The following MEGF6 variants were observed in gnomAD, a reference collection of about 807,000 sequenced individuals.
MEGF6 encodes multiple epidermal growth factor-like domains protein 6.
MEGF6 carries 184 observed loss-of-function variants against 207.1 expected under a neutral mutation model. The ratio of observed to expected loss-of-function variants is 0.89; its 90% confidence interval spans 0.79 to 1.00. MEGF6 has a LOEUF of 1.00. Among genes scored for constraint, MEGF6 ranks in the 50% least tolerant of loss-of-function variants. The pLI is 0.00. For synonymous variants in MEGF6, 1,038 were observed against 910.0 expected, an observed-to-expected ratio of 1.14 and a Z score of -2.53; for missense variants, 2,282 against 2,202.9, an observed-to-expected ratio of 1.04 and a Z score of -0.72.
chr1:3,498,636 C>CT, intron 25 of MEGF6, 62 bp downstream of exon 25: 1 of 1,503,652 alleles, frequency 6.7e-7, no homozygotes, highest in Admixed American at 2.0e-5. Context: ...CCTCCTAGGC[C>CT]TGCAGGCGGG....
intron 3 of MEGF6, among the ~76,000 whole-genome samples, chr1:3,587,863 GGGACAGGAGT>G (rs1643913246): frequency 1.5e-5 from 2 of 136,960 alleles, no homozygotes; most frequent in African/African-American, 2.8e-5. Flanking sequence ...GGGCCAGGAG[GGGACAGGAGT>G]GGCCAGGAGT....
At chr1:3,543,801 G>A (rs116899661) in intron 4 of MEGF6, among the ~76,000 whole-genome samples, 2 of 152,346 alleles carry the variant, frequency 1.3e-5, no homozygotes, top group East Asian at 1.9e-4. Flanking sequence ...AAGGGATACG[G>A]GTCGAGGCCC....
At chr1:3,531,095 C>T in intron 4 of MEGF6, 1 of 1,526,352 alleles carries the variant, frequency 6.6e-7, no homozygotes, top group Non-Finnish European at 8.8e-7. Flanking sequence ...CTCTGGTCAC[C>T]GGCGCTCACG....
chr1:3,530,524 G>A (rs561171365), intron 4 of MEGF6, among the ~76,000 whole-genome samples: 1 of 152,314 alleles, frequency 6.6e-6, no homozygotes, highest in Non-Finnish European at 1.5e-5. Context: ...CGGGCCTAGT[G>A]CAGGCGCCAG....
At chr1:3,576,672 C>T (rs914927935) in intron 4 of MEGF6, among the ~76,000 whole-genome samples, 2 of 151,108 alleles carry the variant, frequency 1.3e-5, no homozygotes, top group African/African-American at 2.4e-5. Context: ...CCTGCAAACC[C>T]GGCCTGCACA....
At chr1:3,541,986 G>C (rs1180654142) in intron 4 of MEGF6, among the ~76,000 whole-genome samples, 3 of 152,246 alleles carry the variant, frequency 2.0e-5, no homozygotes, top group African/African-American at 4.8e-5. Flanking sequence ...CCGCGGCCAA[G>C]TAGCAGCTGA....
At chr1:3,529,231 C>G (rs1206093028) in intron 4 of MEGF6, among the ~76,000 whole-genome samples, 1 of 152,224 alleles carries the variant, frequency 6.6e-6, no homozygotes, top group African/African-American at 2.4e-5. Flanking sequence ...GCACTGGCCC[C>G]CGAGACTCAG....
chr1:3,539,937 C>A (rs965285667), intron 4 of MEGF6, among the ~76,000 whole-genome samples: 2 of 152,202 alleles, frequency 1.3e-5, no homozygotes, highest in African/African-American at 2.4e-5. Context: ...TACGCAGGCC[C>A]CCGGGGTCGC....
chr1:3,500,632 C>T lies in MEGF6; in HGVS notation c.2707+1G>A, dbSNP rs546771819. ...CAGCCAAAGGCAGGGCCGGGACTCA[C>T]GCTGCTCGCACCGCGGGCCCACGTA... On this transcript the variant is annotated splice_donor_variant, in intron 21 of 36. Transcript: ENST00000356575. LOFTEE classifies it high-confidence loss of function. 1.7e-5 allele frequency: 26 copies of T among 1,554,114 alleles called. No individual in the cohort carries two copies. The highest frequency in any genetic ancestry group is 1.9e-5 in the Non-Finnish European group (22 of 1,149,242).
Position 3,515,529 on chromosome 1 carries a change from T to C in MEGF6, c.605-2A>G. The C allele has an allele frequency of 1.9e-6, 3 of 1,611,462 alleles. No homozygotes were observed. The South Asian group carries it at 3.3e-5, about 18-fold the overall frequency. ...TGCCCAGGGCGCAGGAGTTAATGGC[T>C]GGGGACACAGGGAGGACCCCAAGTC... is the stretch of plus-strand genomic sequence containing the variant. On this transcript the variant is annotated splice_acceptor_variant, in intron 5 of 36. Transcript: ENST00000356575. LOFTEE classifies it high-confidence loss of function.
chr1:3,542,486 C>T (rs1170466823), intron 4 of MEGF6, among the ~76,000 whole-genome samples: 1 of 152,080 alleles, frequency 6.6e-6, no homozygotes, highest in Non-Finnish European at 1.5e-5. Context: ...CCCCACTCAG[C>T]CTGATGTGGG....
rs59799522 is a variant in MEGF6, at chr1:3,559,522, TAAAAA to T, written c.481+20298_481+20302del. 8.2e-4 allele frequency among the ~76,000 whole-genome samples: 87 copies of T among 105,528 alleles called. 2 individuals carry two copies. The highest frequency in any genetic ancestry group is 0.012 in the Middle Eastern group (2 of 166). The allele number at this position is 105,528 out of a possible 152,430, so 69.2% of individuals were successfully genotyped here. On this transcript the variant is annotated intron_variant, in intron 4 of 36. Transcript: ENST00000356575. The stretch of plus-strand genomic sequence containing the variant: ...GGACAAAGAGCTAGACCTTGTCTCT[TAAAAA>T]AAAAAAAAAAAAAAAAAAAAGAAGA...
At chr1:3,584,718 C>T (rs1643869589) in intron 3 of MEGF6, among the ~76,000 whole-genome samples, 1 of 152,364 alleles carries the variant, frequency 6.6e-6, no homozygotes, top group Middle Eastern at 3.4e-3. Flanking sequence ...GGACTCCTGC[C>T]CCTTCTGCTG....
intron 26 of MEGF6, among the ~76,000 whole-genome samples, chr1:3,498,074 A>C (rs1465981787): frequency 2.0e-5 from 3 of 152,102 alleles, no homozygotes; most frequent in Non-Finnish European, 4.4e-5. Context: ...CTCTGCATGC[A>C]GGAAACAGGA....
chr1:3,504,174 G>A (rs373740548), intron 17 of MEGF6, among the ~76,000 whole-genome samples: 8 of 152,094 alleles, frequency 5.3e-5, no homozygotes, highest in South Asian at 2.1e-4. Context: ...CGGGCTTCTC[G>A]CTCTCTCCAG....
At chr1:3,508,245 C>G (rs1641193436) in intron 13 of MEGF6, among the ~76,000 whole-genome samples, 3 of 152,182 alleles carry the variant, frequency 2.0e-5, no homozygotes, top group Non-Finnish European at 2.9e-5. Flanking sequence ...CAGCAGACAC[C>G]CCTCACTGTC....
chr1:3,623,919 C>T, the MEGF6 span, among the ~76,000 whole-genome samples: 1 of 152,226 alleles, frequency 6.6e-6, no homozygotes, highest in South Asian at 2.1e-4. Flanking sequence ...GGAGGCGCCA[C>T]TGCAAACTTC....
intron 5 of MEGF6, among the ~76,000 whole-genome samples, chr1:3,517,664 C>T (rs1326797227): frequency 1.3e-5 from 2 of 152,202 alleles, no homozygotes; most frequent in Non-Finnish European, 2.9e-5. Flanking sequence ...ACACACAGCC[C>T]AGCCACCCCT....
intron 3 of MEGF6, among the ~76,000 whole-genome samples, chr1:3,593,305 G>A (rs971827742): frequency 2.0e-5 from 3 of 152,140 alleles, no homozygotes; most frequent in Non-Finnish European, 2.9e-5. Context: ...TACTGCTGAC[G>A]CAGGTGAACA....
Sources: allele counts gnomAD v4.1 joint callset (sites outside exome capture counted in the v4.1 genomes callset), GRCh38; gene constraint gnomAD v4.1.1; transcripts MANE v1.5; gene names NCBI Gene and HGNC (gene_info 2026-07-23, HGNC 2026-07-21).